PPIG: variants seen among roughly 807,000 people sequenced by gnomAD.
PPIG encodes the protein peptidyl-prolyl cis-trans isomerase G.
In PPIG, 26 loss-of-function variants were observed where a neutral mutation model predicts 87.9. The ratio of observed to expected loss-of-function variants is 0.30; its 90% CI spans 0.22 to 0.41. PPIG has a LOEUF of 0.41. Among genes scored for constraint, PPIG ranks in the 10% least tolerant of loss-of-function variants. The pLI, the probability that PPIG is intolerant of heterozygous loss-of-function variation, is 1.00. For synonymous variants in PPIG, 308 were observed against 276.5 expected (o/e 1.11, Z -1.13); for missense variants, 722 against 879.4 (o/e 0.82, Z 2.26).
chr2:169,589,941 C>T (rs1405666610), intron 1 of PPIG, among the ~76,000 whole-genome samples: 2 of 151,994 alleles, frequency 1.3e-5, no homozygotes, highest in African/African-American at 4.8e-5. Context: ...GAAACCCCGT[C>T]TCTACTAAAA....
intron 9 of PPIG, among the ~76,000 whole-genome samples, chr2:169,622,264 TA>T (rs1053139608): frequency 6.6e-6 from 1 of 150,932 alleles, no homozygotes; most frequent in Admixed American, 6.6e-5. Flanking sequence ...CTACTAAAAA[TA>T]AAAAAAAAGA....
At chr2:169,634,299 C>T (rs777273970) in intron 12 of PPIG, among the ~76,000 whole-genome samples, 12 of 151,918 alleles carry the variant, frequency 7.9e-5, no homozygotes, top group East Asian at 7.7e-4. Flanking sequence ...TGAGCTCAAG[C>T]GATCTGCCTG....
intron 1 of PPIG, among the ~76,000 whole-genome samples, chr2:169,595,996 G>C (rs3107443): frequency 0.4 from 61,132 of 151,692 alleles, 12,935 homozygotes; most frequent in East Asian, 0.58. Flanking sequence ...TAGAGATGGG[G>C]TTTCTCCATG....
At chr2:169,633,369 C>T (rs1686107522) in intron 12 of PPIG, 122 bp downstream of exon 12, 1 of 752,436 alleles carries the variant, frequency 1.3e-6, no homozygotes, top group South Asian at 1.6e-5. Context: ...GAGATGCAGG[C>T]ATTGAATTAT....
chr2:169,614,731 A>AG lies in PPIG; in HGVS notation c.547+9dup, dbSNP rs752233886. On this transcript the variant is annotated splice_region_variant and intron_variant, in intron 9 of 13. Coordinates refer to ENST00000260970, the MANE Select transcript of PPIG (RefSeq NM_004792.3). ...CTGATTCCCAAATCTAAAGGTAAAA[A>AG]GGAAGTACATATTTCTGAGAATACT... 6 of 1,594,310 alleles carry AG rather than the reference A, an allele frequency of 3.8e-6. No individual in the cohort carries two copies. The highest frequency in any genetic ancestry group is 2.3e-4 in the Middle Eastern group (1 of 4,430).
chr2:169,607,022 CTACTT>C (rs372888522), intron 5 of PPIG, 77 bp from the exon 6 acceptor site: 106 of 849,262 alleles, frequency 1.2e-4, no homozygotes, highest in African/African-American at 7.0e-4. Flanking sequence ...ATTCAAAAAT[CTACTT>C]TACAAGAAGT....
rs1686261109 is a variant in PPIG at position 169,639,357 on chromosome 2, T to C, written c.*1834T>C. On this transcript the variant is annotated 3_prime_UTR_variant, in exon 14 of 14. Coordinates refer to ENST00000260970, the MANE Select transcript of PPIG (RefSeq NM_004792.3). Reference sequence around the variant, plus strand: ...TAACTGCATTTTAAAATTGTTGTTATAAACTATTTGAGCTTTAAGAAAGGT... The same window carrying C: ...TAACTGCATTTTAAAATTGTTGTTACAAACTATTTGAGCTTTAAGAAAGGT... The C allele has an allele frequency of 6.6e-6, 1 of 152,104 alleles. No individual in the cohort carries two copies. The highest frequency in any genetic ancestry group is 2.4e-5 in the African/African-American group (1 of 41,458). The allele number at this position is 152,104 out of a possible 1,614,324, so 9.4% of individuals were successfully genotyped here.
intron 7 of PPIG, among the ~76,000 whole-genome samples, chr2:169,609,245 CTGT>C (rs1478556467): frequency 2.0e-5 from 3 of 152,024 alleles, no homozygotes; most frequent in African/African-American, 4.8e-5. Flanking sequence ...AGGTCTTGCT[CTGT>C]CACCCAGGCG....
intron 9 of PPIG, among the ~76,000 whole-genome samples, chr2:169,627,704 C>CCTTTTTT (rs1685928370): frequency 4.9e-5 from 5 of 101,930 alleles, no homozygotes; most frequent in Non-Finnish European, 9.2e-5. Flanking sequence ...AGTGGGCTTG[C>CCTTTTTT]TTTTTTTTTT....
Position 169,637,141 on chromosome 2 carries a change from C to G in PPIG, c.1883C>G (p.Ser628Ter). 6.2e-7 allele frequency: 1 copy of G among 1,612,282 alleles called. No homozygotes were observed. Among genetic ancestry groups the G allele is most frequent in the Non-Finnish European group, 8.5e-7 (1 of 1,179,342 alleles). Residue 628 changes from serine (S) to a stop codon, truncating the protein, a stop_gained, in exon 14 of 14, where the codon TCA becomes TGA. Coordinates refer to ENST00000260970, the MANE Select transcript of PPIG (RefSeq NM_004792.3). LOFTEE classifies it high-confidence loss of function. The part of the protein sequence containing the change: ...SKDRRRRRRD[S>*]RSSEREESQS... ...GATAGGAGGAGAAGGAGGAGAGACTCACGGAGCTCAGAGAGAGAAGAAAGT... is the reference window on the plus strand; with the variant it reads ...GATAGGAGGAGAAGGAGGAGAGACTGACGGAGCTCAGAGAGAGAAGAAAGT...
intron 1 of PPIG, among the ~76,000 whole-genome samples, chr2:169,599,434 G>A (rs1235917834): frequency 6.6e-6 from 1 of 151,812 alleles, no homozygotes; most frequent in African/African-American, 2.4e-5. Flanking sequence ...TATTGTGTTA[G>A]ACATTTAAGT....
chr2:169,601,819 G>A (rs1211477410), intron 1 of PPIG, among the ~76,000 whole-genome samples: 1 of 151,858 alleles, frequency 6.6e-6, no homozygotes, highest in Admixed American at 6.6e-5. Context: ...CAAGCCACAT[G>A]TGCTTTTTGA....
At chr2:169,614,138 A>G (rs1040213299) in intron 7 of PPIG, among the ~76,000 whole-genome samples, 10 of 152,232 alleles carry the variant, frequency 6.6e-5, no homozygotes, top group African/African-American at 2.4e-4. Context: ...TTATACAATT[A>G]TGACTATTCA....
At chr2:169,604,964 G>A (rs1049376917) in intron 4 of PPIG, among the ~76,000 whole-genome samples, 5 of 151,766 alleles carry the variant, frequency 3.3e-5, no homozygotes, top group Middle Eastern at 3.2e-3. Flanking sequence ...TTGGGGGGCC[G>A]AGGTGGGTGG....
At chr2:169,632,728 G>C (rs1169151093) in intron 11 of PPIG, among the ~76,000 whole-genome samples, 2 of 146,572 alleles carry the variant, frequency 1.4e-5, no homozygotes, top group East Asian at 4.0e-4. Context: ...CTGGGTGACA[G>C]AGTGAGACTC....
At chr2:169,592,065 C>G (rs1341143186) in intron 1 of PPIG, among the ~76,000 whole-genome samples, 1 of 148,566 alleles carries the variant, frequency 6.7e-6, no homozygotes, top group Non-Finnish European at 1.5e-5. Flanking sequence ...TAGCTGGGAC[C>G]ACAGGCCTGG....
In PPIG at chr2:169,638,103, C is replaced by G. The variant is rs1446646282; in HGVS notation, c.*580C>G. The G allele has an allele frequency of 6.6e-6, 1 of 151,992 alleles. No homozygotes were observed. The highest frequency in any genetic ancestry group is 2.4e-5 in the African/African-American group (1 of 41,420). The allele number at this position is 151,992 out of a possible 1,614,324, so 9.4% of individuals were successfully genotyped here. The stretch of plus-strand genomic sequence containing the variant: ...CATACTCTATTCTTTATAGTTCGAG[C>G]CATAGCTTGTTTCCTATTAATGCTT... On this transcript the variant is annotated 3_prime_UTR_variant, in exon 14 of 14. Transcript: ENST00000260970.
At chr2:169,599,706 C>T (rs1421410354) in intron 1 of PPIG, among the ~76,000 whole-genome samples, 5 of 151,876 alleles carry the variant, frequency 3.3e-5, no homozygotes, top group South Asian at 2.1e-4. Context: ...ATTTGATAGA[C>T]AGACAGTGAA....
intron 10 of PPIG, chr2:169,631,536 A>G: frequency 7.9e-7 from 1 of 1,268,920 alleles, no homozygotes; most frequent in Non-Finnish European, 1.0e-6. Flanking sequence ...ATTTTGTAGG[A>G]AAATATTTTT....
Sources: allele counts gnomAD v4.1 joint callset (sites outside exome capture counted in the v4.1 genomes callset), GRCh38; gene constraint gnomAD v4.1.1; transcripts MANE v1.5; gene names NCBI Gene and HGNC (gene_info 2026-07-23, HGNC 2026-07-21).